The following SYNPR variants were observed in gnomAD, a reference collection of about 807,000 sequenced individuals.
SYNPR encodes synaptoporin.
Under a neutral mutation model 32.9 loss-of-function variants are expected in SYNPR, and 23 were observed. The observed-to-expected ratio is 0.70, with a 90% CI of 0.50 to 0.99. SYNPR has a LOEUF of 0.99. Among genes scored for constraint, SYNPR ranks in the 50% least tolerant of loss-of-function variants. SYNPR has a pLI of 0.00. For missense variants in SYNPR, 318 were observed against 349.3 expected (o/e 0.91, Z 0.71); for synonymous variants, 146 against 135.9 (o/e 1.07, Z -0.52).
chr3:63,525,951 G>C (rs1296724167), intron 3 of SYNPR, among the ~76,000 whole-genome samples: 1 of 152,174 alleles, frequency 6.6e-6, no homozygotes, highest in Non-Finnish European at 1.5e-5. Flanking sequence ...ATCACCATCT[G>C]CTTCTGGTGA....
intron 3 of SYNPR, among the ~76,000 whole-genome samples, chr3:63,520,100 A>C (rs935047549): frequency 6.6e-6 from 1 of 152,208 alleles, no homozygotes; most frequent in African/African-American, 2.4e-5. Context: ...CCAGGTCATT[A>C]AATATTCTTT....
At chr3:63,550,637 A>G (rs1178245796) in intron 3 of SYNPR, among the ~76,000 whole-genome samples, 2 of 152,182 alleles carry the variant, frequency 1.3e-5, no homozygotes, top group African/African-American at 4.8e-5. Flanking sequence ...CACCACACAC[A>G]AAGATTGCAG....
intron 2 of SYNPR, among the ~76,000 whole-genome samples, chr3:63,452,606 A>G (rs1700398582): frequency 6.6e-6 from 1 of 152,140 alleles, no homozygotes; most frequent in African/African-American, 2.4e-5. Context: ...ACCATGCTCT[A>G]TACCTCATAC....
At chr3:63,408,313 AAGGAAG>A (rs2088410444) in intron 2 of SYNPR, among the ~76,000 whole-genome samples, 14 of 122,428 alleles carry the variant, frequency 1.1e-4, no homozygotes, top group Non-Finnish European at 1.8e-4. Context: ...GGAAGGAAGG[AAGGAAG>A]GAAAGAAAGA....
intron 2 of SYNPR, chr3:63,444,274 G>C (rs1420687372): frequency 6.6e-6 from 1 of 152,170 alleles, no homozygotes; most frequent in Non-Finnish European, 1.5e-5. Context: ...GCATTACCTG[G>C]TTAGCTGCGT....
At chr3:63,450,932 C>T (rs1451046160) in intron 2 of SYNPR, among the ~76,000 whole-genome samples, 1 of 152,186 alleles carries the variant, frequency 6.6e-6, no homozygotes, top group African/African-American at 2.4e-5. Flanking sequence ...GCTCTGGCAG[C>T]ATTCCCAAAA....
chr3:63,324,803 T>C lies in SYNPR; in HGVS notation c.84+46061T>C, dbSNP rs566993743. Among the ~76,000 whole-genome samples, 186 of 152,152 alleles carry C rather than the reference T, an allele frequency of 1.2e-3. 2 individuals are homozygous for C. In the South Asian group the frequency reaches 0.013, roughly 11 times the overall value. On this transcript the variant is annotated intron_variant, in intron 2 of 5. Transcript: ENST00000478300. ...ACCTGGAGCTGTGATTACCAGACACTGGGTTGCAGCTGCAGCCACCCAGAA... is the reference window on the plus strand; with the variant it reads ...ACCTGGAGCTGTGATTACCAGACACCGGGTTGCAGCTGCAGCCACCCAGAA...
intron 4 of SYNPR, among the ~76,000 whole-genome samples, chr3:63,563,931 A>G (rs1206436565): frequency 2.5e-4 from 37 of 150,806 alleles, no homozygotes; most frequent in Admixed American, 2.4e-3. Context: ...TTACTGCTAG[A>G]AAACTCCTAT....
At chr3:63,361,136 GA>G (rs2087653935) in intron 2 of SYNPR, among the ~76,000 whole-genome samples, 2 of 152,140 alleles carry the variant, frequency 1.3e-5, no homozygotes, top group Non-Finnish European at 2.9e-5. Flanking sequence ...TCAGAATCTT[GA>G]AAATCTCCAA....
chr3:63,231,634 G>A (rs1045693046), intron 1 of SYNPR, among the ~76,000 whole-genome samples: 6 of 152,078 alleles, frequency 3.9e-5, no homozygotes, highest in African/African-American at 1.2e-4. Context: ...CCATTGCTGG[G>A]CCTTCCAACT....
intron 1 of SYNPR, among the ~76,000 whole-genome samples, chr3:63,245,546 A>C (rs147153439): frequency 6.6e-5 from 10 of 152,098 alleles, no homozygotes; most frequent in Middle Eastern, 6.8e-3. Flanking sequence ...AAACTGCCCT[A>C]ATTTTTAAGA....
chr3:63,494,468 C>CACATATAT (rs1317858017), intron 3 of SYNPR, among the ~76,000 whole-genome samples: 3 of 84,788 alleles, frequency 3.5e-5, no homozygotes, highest in African/African-American at 1.5e-4. Context: ...TACATATATA[C>CACATATAT]ACATATATAC....
At chr3:63,438,561 T>C (rs946906325) in intron 2 of SYNPR, among the ~76,000 whole-genome samples, 2 of 152,178 alleles carry the variant, frequency 1.3e-5, no homozygotes, top group Non-Finnish European at 2.9e-5. Flanking sequence ...ATATTAATAT[T>C]ATTTTTATCT....
chr3:63,582,215 C>T (rs939462908), intron 4 of SYNPR, among the ~76,000 whole-genome samples: 1 of 152,112 alleles, frequency 6.6e-6, no homozygotes, highest in Non-Finnish European at 1.5e-5. Context: ...AACGGGGGAG[C>T]TCTGAAAACT....
intron 3 of SYNPR, among the ~76,000 whole-genome samples, chr3:63,529,718 G>A (rs11715058): frequency 1.0e-3 from 158 of 152,134 alleles, no homozygotes; most frequent in Non-Finnish European, 2.0e-3. Flanking sequence ...ATTAAGTAAA[G>A]ATTTAAACTC....
At chr3:63,540,267 G>T (rs1702275417) in intron 3 of SYNPR, among the ~76,000 whole-genome samples, 1 of 152,056 alleles carries the variant, frequency 6.6e-6, no homozygotes, top group Non-Finnish European at 1.5e-5. Flanking sequence ...GTATATTAAA[G>T]ATTGTGTTTA....
At chr3:63,287,713 TG>T (rs1249028830) in intron 2 of SYNPR, among the ~76,000 whole-genome samples, 1 of 152,182 alleles carries the variant, frequency 6.6e-6, no homozygotes, top group African/African-American at 2.4e-5. Flanking sequence ...GGTAACACAT[TG>T]GATGAGATGT....
chr3:63,584,894 G>T (rs1026557452), intron 4 of SYNPR, among the ~76,000 whole-genome samples: 1 of 152,030 alleles, frequency 6.6e-6, no homozygotes, highest in East Asian at 1.9e-4. Context: ...TGACAGCACT[G>T]GCATCTCTTG....
intron 4 of SYNPR, among the ~76,000 whole-genome samples, chr3:63,567,565 A>C (rs556407283): frequency 5.9e-5 from 9 of 152,194 alleles, no homozygotes; most frequent in Non-Finnish European, 1.3e-4. Context: ...GCAGCTTAAG[A>C]ATGTCTTGCT....
Sources: gnomAD v4.1 joint callset for allele counts (sites outside exome capture counted in the v4.1 genomes callset) on GRCh38, gnomAD v4.1.1 for gene constraint, MANE v1.5 for transcripts, NCBI Gene and HGNC (gene_info 2026-07-23, HGNC 2026-07-21) for gene names.